The following ULK4 variants were observed in gnomAD, a reference collection of about 807,000 sequenced individuals.
ULK4 encodes the protein unc-51 like kinase 4.
ULK4 carries 133 observed loss-of-function variants against 160.6 expected under a neutral mutation model. That is an observed-to-expected ratio of 0.83 (90% CI 0.72 to 0.96). The LOEUF (loss-of-function observed/expected upper bound fraction) is 0.96. Among genes scored for constraint, ULK4 ranks in the 40% least tolerant of loss-of-function variants. ULK4 has a pLI of 0.00. For synonymous variants in ULK4, 534 were observed against 539.8 expected, an observed-to-expected ratio of 0.99 and a Z score of 0.15; for missense variants, 1,580 against 1,499.5, an observed-to-expected ratio of 1.05 and a Z score of -0.89.
chr3:41,555,871 G>A (rs2087275061), intron 32 of ULK4, among the ~76,000 whole-genome samples: 1 of 152,168 alleles, frequency 6.6e-6, no homozygotes, highest in African/African-American at 2.4e-5. Context: ...CATTTCCTTT[G>A]CAGGGGGACA....
intron 18 of ULK4, among the ~76,000 whole-genome samples, chr3:41,827,441 A>T (rs897891613): frequency 2.6e-5 from 4 of 152,150 alleles, no homozygotes; most frequent in African/African-American, 7.2e-5. Context: ...AATCAAATAG[A>T]CGCAATAAAA....
chr3:41,472,573 G>GAAAAAAAAAAAAAAAAA (rs796797629), intron 32 of ULK4, among the ~76,000 whole-genome samples: 2 of 89,586 alleles, frequency 2.2e-5, no homozygotes. Context: ...TCAAAAAAAA[G>GAAAAAAAAAAAAAAAAA]AAAAAAAAAA....
chr3:41,429,628 C>G (rs891311276), intron 34 of ULK4, among the ~76,000 whole-genome samples: 2 of 151,962 alleles, frequency 1.3e-5, no homozygotes, highest in African/African-American at 2.4e-5. Flanking sequence ...CCTCGGCAAA[C>G]TAATGCAGGA....
chr3:41,275,769 A>G (rs1454280645), intron 35 of ULK4, among the ~76,000 whole-genome samples: 3 of 152,224 alleles, frequency 2.0e-5, no homozygotes, highest in African/African-American at 7.2e-5. Context: ...TAACATTTCC[A>G]GAGTCCAAGG....
At chr3:41,799,726 G>A (rs2040400175) in intron 20 of ULK4, among the ~76,000 whole-genome samples, 1 of 152,042 alleles carries the variant, frequency 6.6e-6, no homozygotes, top group Non-Finnish European at 1.5e-5. Context: ...AGCCAGGCCT[G>A]GTGGTGCATG....
At chr3:41,488,995 T>A (rs2125904211) in intron 32 of ULK4, among the ~76,000 whole-genome samples, 1 of 152,174 alleles carries the variant, frequency 6.6e-6, no homozygotes, top group Admixed American at 6.5e-5. Flanking sequence ...TGAGCACCCC[T>A]CCCACTGAGG....
At chr3:41,534,294 T>G (rs1026358379) in intron 32 of ULK4, among the ~76,000 whole-genome samples, 1 of 152,100 alleles carries the variant, frequency 6.6e-6, no homozygotes, top group African/African-American at 2.4e-5. Context: ...GGTGCCACAG[T>G]TTTTTACTGT....
At chr3:41,706,849 A>ATATGTG (rs1338692017) in intron 25 of ULK4, among the ~76,000 whole-genome samples, 3 of 102,368 alleles carry the variant, frequency 2.9e-5, no homozygotes, top group African/African-American at 1.5e-4. Context: ...AAAAAAAAAT[A>ATATGTG]TGTGTGTGTG....
At chr3:41,501,977 T>C (rs1255403202) in intron 32 of ULK4, among the ~76,000 whole-genome samples, 1 of 152,236 alleles carries the variant, frequency 6.6e-6, no homozygotes, top group East Asian at 1.9e-4. Flanking sequence ...CTTACTTCAC[T>C]TGGCATAGTG....
intron 31 of ULK4, among the ~76,000 whole-genome samples, chr3:41,569,452 AG>A (rs1230677282): frequency 6.6e-6 from 1 of 152,188 alleles, no homozygotes; most frequent in Non-Finnish European, 1.5e-5. Context: ...GCTAGGAAAC[AG>A]GGGTGAAGAT....
intron 16 of ULK4, among the ~76,000 whole-genome samples, chr3:41,886,422 GA>G (rs1259296053): frequency 2.6e-5 from 4 of 151,936 alleles, no homozygotes; most frequent in Non-Finnish European, 5.9e-5. Context: ...CACACTAGTA[GA>G]AAAAAAGTGC....
At chr3:41,503,807 G>GA (rs959416256) in intron 32 of ULK4, among the ~76,000 whole-genome samples, 21 of 152,126 alleles carry the variant, frequency 1.4e-4, no homozygotes, top group African/African-American at 4.6e-4. Context: ...CTCTCCTTCT[G>GA]AAAAAATCTG....
chr3:41,313,644 C>A (rs28510915), intron 35 of ULK4, among the ~76,000 whole-genome samples: 22,688 of 152,102 alleles, frequency 0.15, 1,979 homozygotes, highest in African/African-American at 0.23. Context: ...TTTTAAAATT[C>A]ATCTTTAATG....
At chr3:41,900,999 T>C (rs1698332123) in intron 12 of ULK4, among the ~76,000 whole-genome samples, 170 bp from the exon 13 acceptor site, 1 of 152,182 alleles carries the variant, frequency 6.6e-6, no homozygotes, top group Non-Finnish European at 1.5e-5. Flanking sequence ...ACAAAAATCC[T>C]AAACTGTAGG....
At chr3:41,822,979 C>T (rs997393458) in intron 18 of ULK4, among the ~76,000 whole-genome samples, 1 of 152,018 alleles carries the variant, frequency 6.6e-6, no homozygotes, top group Non-Finnish European at 1.5e-5. Flanking sequence ...GCCTCAGCCT[C>T]CCAAAGTGCT....
chr3:41,627,059 T>C (rs528164572), intron 30 of ULK4, among the ~76,000 whole-genome samples: 1 of 152,326 alleles, frequency 6.6e-6, no homozygotes, highest in South Asian at 2.1e-4. Context: ...TGGGTTGAGC[T>C]AAATTTCACA....
At chr3:41,252,805 A>C (rs1002865020) in intron 35 of ULK4, among the ~76,000 whole-genome samples, 3 of 152,122 alleles carry the variant, frequency 2.0e-5, no homozygotes, top group Non-Finnish European at 4.4e-5. Context: ...AGATTCAAGA[A>C]ACAGTAAATC....
At chr3:41,453,922 C>T (rs1218849742) in intron 34 of ULK4, among the ~76,000 whole-genome samples, 3 of 148,640 alleles carry the variant, frequency 2.0e-5, no homozygotes, top group Non-Finnish European at 4.4e-5. Context: ...CAAACTATCA[C>T]AGGGACAAAA....
intron 21 of ULK4, among the ~76,000 whole-genome samples, chr3:41,768,172 C>A (rs1325063981): frequency 6.6e-6 from 1 of 152,110 alleles, no homozygotes; most frequent in Non-Finnish European, 1.5e-5. Context: ...CCCAAAACCA[C>A]CTCCCCAGCT....
Sources: gnomAD v4.1 joint callset for allele counts (sites outside exome capture counted in the v4.1 genomes callset) on GRCh38, gnomAD v4.1.1 for gene constraint, MANE v1.5 for transcripts, NCBI Gene and HGNC (gene_info 2026-07-23, HGNC 2026-07-21) for gene names.